HOXC4: variants seen among roughly 807,000 people sequenced by gnomAD.
HOXC4 encodes homeobox protein Hox-C4.
A neutral mutation model predicts 25.5 loss-of-function variants in HOXC4; 15 were observed. That is an observed-to-expected ratio of 0.59 (90% CI 0.39 to 0.91). HOXC4 has a LOEUF of 0.91. Among genes scored for constraint, HOXC4 ranks in the 40% least tolerant of loss-of-function variants. The pLI, the probability that HOXC4 is intolerant of heterozygous loss-of-function variation, is 0.00. For missense variants in HOXC4, 342 were observed against 352.4 expected, an observed-to-expected ratio of 0.97 and a Z score of 0.24; for synonymous variants, 165 against 148.0, an observed-to-expected ratio of 1.11 and a Z score of -0.83.
chr12:54,043,952 GTGTGTGTGTGTGTGTT>G (rs758189696), intron 1 of HOXC4, among the ~76,000 whole-genome samples: 2,261 of 143,550 alleles, frequency 0.016, 25 homozygotes, highest in African/African-American at 0.02. Context: ...GTGTGTGTGT[GTGTGTGTGTGTGTGTT>G]TAGGGAGTAG....
At chr12:54,031,053 G>C (rs1053270779) in intron 1 of HOXC4, among the ~76,000 whole-genome samples, 2 of 152,252 alleles carry the variant, frequency 1.3e-5, no homozygotes, top group African/African-American at 2.4e-5. Flanking sequence ...CACCCTGCGG[G>C]AAAAAGCCGC....
At chr12:54,019,137 C>T (rs935233442) in intron 1 of HOXC4, among the ~76,000 whole-genome samples, 13 of 142,454 alleles carry the variant, frequency 9.1e-5, no homozygotes, top group African/African-American at 3.4e-4. Flanking sequence ...CTGAGGTATT[C>T]TCCCGCGGGA....
At chr12:54,024,151 CG>C (rs1388126666) in intron 1 of HOXC4, among the ~76,000 whole-genome samples, 1 of 152,184 alleles carries the variant, frequency 6.6e-6, no homozygotes, top group African/African-American at 2.4e-5. Flanking sequence ...CGGCTTTCTC[CG>C]TAAGAGGGAT....
chr12:54,050,970 A>G (rs1382162098), upstream of HOXC4, among the ~76,000 whole-genome samples: 1 of 152,178 alleles, frequency 6.6e-6, no homozygotes, highest in Admixed American at 6.5e-5. Context: ...CTCTGTGTCT[A>G]CTACTTATAC....
upstream of HOXC4, chr12:54,053,164 G>A (rs934050263): frequency 5.9e-5 from 9 of 152,466 alleles, no homozygotes; most frequent in African/African-American, 2.2e-4. Flanking sequence ...CTTCAGCGGG[G>A]GCTCAACCCC....
chr12:54,054,841 TC>T lies in HOXC4; in HGVS notation c.440-3del, dbSNP rs747545295. 11 of 1,585,910 alleles carry T rather than the reference TC, an allele frequency of 6.9e-6. No individual in the cohort carries two copies. The highest frequency in any genetic ancestry group is 6.8e-5 in the Admixed American group (4 of 58,824). On this transcript the variant is annotated splice_region_variant and splice_polypyrimidine_tract_variant and intron_variant, in intron 1 of 1. Transcript: ENST00000430889. Reference sequence around the variant, plus strand: ...TGAACCCCACTATTTGCTTTTCCCCTCCCCCCAGTGAACCCCAATTATAACG... The same window carrying T: ...TGAACCCCACTATTTGCTTTTCCCCTCCCCCAGTGAACCCCAATTATAACG...
chr12:54,023,189 C>A (rs940816470), intron 1 of HOXC4, among the ~76,000 whole-genome samples: 3 of 152,130 alleles, frequency 2.0e-5, no homozygotes, highest in African/African-American at 7.2e-5. Context: ...TGGGCACCAG[C>A]CCCCAAAAAG....
At chr12:54,033,069 A>G (rs1321175361) in intron 1 of HOXC4, 1 of 1,461,672 alleles carries the variant, frequency 6.8e-7, no homozygotes, top group African/African-American at 1.4e-5. Flanking sequence ...TCAAAGAGTC[A>G]CAAATCACCC....
intron 1 of HOXC4, among the ~76,000 whole-genome samples, chr12:54,037,109 C>T (rs1010655953): frequency 6.6e-6 from 1 of 152,238 alleles, no homozygotes; most frequent in Non-Finnish European, 1.5e-5. Context: ...CTTCCTGTCA[C>T]AATCTGCAGG....
chr12:54,043,918 CTGTGTG>C (rs71444829), intron 1 of HOXC4, among the ~76,000 whole-genome samples: 14,996 of 127,120 alleles, frequency 0.12, 798 homozygotes, highest in Non-Finnish European at 0.14. Context: ...AAAACACAGG[CTGTGTG>C]TGTGTGTGTG....
At chr12:54,031,741 G>A (rs1412300069) in intron 1 of HOXC4, among the ~76,000 whole-genome samples, 1 of 152,200 alleles carries the variant, frequency 6.6e-6, no homozygotes, top group Non-Finnish European at 1.5e-5. Flanking sequence ...TTCTCCTGGC[G>A]GGGCGGAGAT....
intron 1 of HOXC4, among the ~76,000 whole-genome samples, chr12:54,037,072 GAC>G (rs1375752335): frequency 6.6e-6 from 1 of 152,214 alleles, no homozygotes; most frequent in African/African-American, 2.4e-5. Context: ...GGCTTGGGTA[GAC>G]ACAGAGTGCC....
chr12:54,029,022 A>G, intron 1 of HOXC4: 2 of 1,145,822 alleles, frequency 1.7e-6, no homozygotes, highest in South Asian at 1.5e-5. Context: ...ATGGCCCCAT[A>G]AAAACAATCA....
chr12:54,029,676 G>C (rs751242313), intron 1 of HOXC4: 2 of 1,613,488 alleles, frequency 1.2e-6, no homozygotes, highest in South Asian at 1.1e-5. Flanking sequence ...GGAGCGGACC[G>C]GAGGCGCGGC....
intron 1 of HOXC4, among the ~76,000 whole-genome samples, chr12:54,025,871 A>G (rs1302428393): frequency 6.6e-6 from 1 of 152,070 alleles, no homozygotes; most frequent in Non-Finnish European, 1.5e-5. Context: ...AAGGAAACCT[A>G]GGCATCCTTG....
At chr12:54,028,470 G>A in intron 1 of HOXC4, 2 of 1,565,026 alleles carry the variant, frequency 1.3e-6, no homozygotes, top group East Asian at 2.2e-5. Context: ...ACAAACTGGA[G>A]ACAGAAATAA....
At chr12:54,033,196 G>T in intron 1 of HOXC4, 1 of 1,614,148 alleles carries the variant, frequency 6.2e-7, no homozygotes, top group Non-Finnish European at 8.5e-7. Context: ...CAAACTTGTG[G>T]GAACTATGGA....
chr12:54,034,727 CG>C, intron 1 of HOXC4: 1 of 526,392 alleles, frequency 1.9e-6, no homozygotes, highest in East Asian at 3.3e-5. Context: ...GCTCGGTACC[CG>C]GGGCCCAGGG....
intron 1 of HOXC4, among the ~76,000 whole-genome samples, chr12:54,031,705 G>C (rs563860492): frequency 2.0e-5 from 3 of 152,316 alleles, no homozygotes; most frequent in South Asian, 2.1e-4. Context: ...CTCGCCTCCA[G>C]TGCCTCCACC....
Sources: gnomAD v4.1 joint callset for allele counts (sites outside exome capture counted in the v4.1 genomes callset) on GRCh38, gnomAD v4.1.1 for gene constraint, MANE v1.5 for transcripts, NCBI Gene and HGNC (gene_info 2026-07-23, HGNC 2026-07-21) for gene names.